NBEAL1: variants seen among roughly 807,000 people sequenced by gnomAD.
The protein encoded by NBEAL1 is neurobeachin like 1.
Under a neutral mutation model 351.3 loss-of-function variants are expected in NBEAL1, and 273 were observed. That is an observed-to-expected ratio of 0.78 (90% CI 0.70 to 0.86). The LOEUF (loss-of-function observed/expected upper bound fraction) is 0.86, where lower values mean the gene tolerates loss of function less well. Ranked by LOEUF, NBEAL1 falls within the 40% of genes least tolerant of loss-of-function variation. The pLI, the probability that NBEAL1 is intolerant of heterozygous loss-of-function variation, is 0.00. For missense variants in NBEAL1, 2,961 were observed against 3,201.3 expected (o/e 0.92, Z 1.81); for synonymous variants, 1,050 against 1,086.4 (o/e 0.97, Z 0.66).
In NBEAL1 at chr2:203,219,380, G is replaced by GA. The variant is rs2065930581; in HGVS notation, c.*2032dup. 1 of 151,822 alleles carries GA rather than the reference G, an allele frequency of 6.6e-6. No individual in the cohort carries two copies. Among genetic ancestry groups the GA allele is most frequent in the Non-Finnish European group, 1.5e-5 (1 of 67,972 alleles). The allele number at this position is 151,822 out of a possible 1,614,324, so 9.4% of individuals were successfully genotyped here. ...AAGTTTTCTAAAACTTAGATAATTA[G>GA]AAAAAATGCCTAAGTTTATGATGTT... On this transcript the variant is annotated 3_prime_UTR_variant, in exon 56 of 56. Coordinates refer to ENST00000683969, the MANE Select transcript of NBEAL1 (RefSeq NM_001378026.1).
chr2:203,047,200 G>A lies in NBEAL1; in HGVS notation c.144-2614G>A, dbSNP rs2061242784. ...TGCAGTGAGCTGAGATTGCGCCATTGCACCTCCAGCCTGGGCAACAAGAGC... is the reference window on the plus strand; with the variant it reads ...TGCAGTGAGCTGAGATTGCGCCATTACACCTCCAGCCTGGGCAACAAGAGC... On this transcript the variant is annotated intron_variant, in intron 3 of 55. Transcript: ENST00000683969. 2.6e-5 allele frequency among the ~76,000 whole-genome samples: 4 copies of A among 151,342 alleles called. No individual in the cohort carries two copies. In the South Asian group the frequency reaches 8.4e-4, roughly 32 times the overall value.
At chr2:203,095,380 C>T (rs1339351057) in intron 10 of NBEAL1, among the ~76,000 whole-genome samples, 5 of 151,844 alleles carry the variant, frequency 3.3e-5, no homozygotes, top group East Asian at 3.9e-4. Context: ...CCGCAACCTC[C>T]ACCTCCCAGG....
intron 39 of NBEAL1, among the ~76,000 whole-genome samples, chr2:203,170,563 G>A (rs1156471274): frequency 4.6e-5 from 7 of 152,078 alleles, no homozygotes; most frequent in African/African-American, 9.7e-5. Context: ...CTGCCAGGAC[G>A]CAAAGGAAAG....
rs979738923 is a variant in NBEAL1, at chr2:203,107,705, A to G, written c.1466A>G (p.His489Arg). Residue 489 changes from histidine to arginine, a missense_variant, in exon 14 of 56, where the codon CAT becomes CGT. By Grantham distance (29) the His-to-Arg change is conservative. Coordinates refer to ENST00000683969, the MANE Select transcript of NBEAL1 (RefSeq NM_001378026.1). ...CAGTGGCTTCCAGAACTACAATCCC[A>G]TGACCTGCAAATCTTCATCTCTGAT... Reference protein sequence around the residue: ...LIQWLPELQSHDLQIFISDWL... With the variant: ...LIQWLPELQSRDLQIFISDWL... 4.5e-6 allele frequency: 7 copies of G among 1,553,376 alleles called. No individual in the cohort carries two copies. Among genetic ancestry groups the G allele is most frequent in the Non-Finnish European group, 6.1e-6 (7 of 1,147,412 alleles).
chr2:203,049,817 A>G lies in NBEAL1; in HGVS notation c.147A>G (p.Val49=). The part of the protein sequence containing the change: ...DVDFEKLPTR[V]DDMPPGISLL... ...TTTTTTTCCCTTTCTGTTGTAGGGT[A>G]GATGATATGCCTCCAGGAATATCTC... is the stretch of plus-strand genomic sequence containing the variant. Residue 49 remains valine, a synonymous_variant, in exon 4 of 56, where the codon GTA becomes GTG. Coordinates refer to ENST00000683969, the MANE Select transcript of NBEAL1 (RefSeq NM_001378026.1). 6.5e-7 allele frequency: 1 copy of G among 1,549,282 alleles called. No homozygotes were observed. The highest frequency in any genetic ancestry group is 8.7e-7 in the Non-Finnish European group (1 of 1,144,920).
intron 18 of NBEAL1, among the ~76,000 whole-genome samples, chr2:203,118,279 ATTCAT>A (rs1269086176): frequency 5.9e-5 from 9 of 152,080 alleles, no homozygotes; most frequent in Admixed American, 2.0e-4. Context: ...ATGGCCCATA[ATTCAT>A]CTAATATATA....
chr2:203,055,791 C>T (rs2061393384), intron 4 of NBEAL1, among the ~76,000 whole-genome samples: 1 of 152,006 alleles, frequency 6.6e-6, no homozygotes, highest in Non-Finnish European at 1.5e-5. Context: ...TTACCTCAGT[C>T]TTATAAAAAG....
intron 54 of NBEAL1, among the ~76,000 whole-genome samples, chr2:203,212,680 A>C (rs1232772587): frequency 1.3e-5 from 2 of 152,122 alleles, no homozygotes; most frequent in Non-Finnish European, 2.9e-5. Context: ...TAAGAGCTAA[A>C]TTATATGATT....
intron 2 of NBEAL1, among the ~76,000 whole-genome samples, chr2:203,030,242 A>G (rs1481894530): frequency 6.6e-6 from 1 of 152,218 alleles, no homozygotes; most frequent in Admixed American, 6.5e-5. Context: ...TCTTAAAAGC[A>G]TTGAAAAACT....
In NBEAL1 at chr2:203,213,649, C is replaced by G. The variant is rs2065848714; in HGVS notation, c.8066C>G (p.Ala2689Gly). ...KLIVVGVGKP[A>G]EMRSGQLSRK... ...ATTGTAGTGGGTGTTGGCAAGCCTGCTGAGGTAAAACCTAGCATCAGTAAT... is the reference window on the plus strand; with the variant it reads ...ATTGTAGTGGGTGTTGGCAAGCCTGGTGAGGTAAAACCTAGCATCAGTAAT... The change falls in exon 55 of 56, where the codon GCT (alanine) becomes GGT (glycine). Residue 2689 changes from alanine (A) to glycine (G), a missense_variant. Transcript: ENST00000683969. 1 of 1,613,658 alleles carries G rather than the reference C, an allele frequency of 6.2e-7. No homozygotes were observed. The highest frequency in any genetic ancestry group is 1.3e-5 in the African/African-American group (1 of 74,906).
chr2:203,016,204 T>G lies in NBEAL1; in HGVS notation c.-181T>G, dbSNP rs1053528629. Reference sequence around the variant, plus strand: ...ACTGATGAAGATATATTGGAGTGACTGCTGAAATTGCCTTTTTGTTTTTAA... The same window carrying G: ...ACTGATGAAGATATATTGGAGTGACGGCTGAAATTGCCTTTTTGTTTTTAA... On this transcript the variant is annotated 5_prime_UTR_variant, in exon 2 of 56. Coordinates refer to ENST00000683969, the MANE Select transcript of NBEAL1 (RefSeq NM_001378026.1). 1.3e-4 allele frequency: 54 copies of G among 404,416 alleles called. No homozygotes were observed. The highest frequency in any genetic ancestry group is 1.7e-4 in the Non-Finnish European group (38 of 227,950). 25.1% of individuals were successfully genotyped at this position (404,416 alleles called of 1,614,324 possible).
chr2:203,155,482 G>C (rs975725976), intron 35 of NBEAL1, among the ~76,000 whole-genome samples: 1 of 151,936 alleles, frequency 6.6e-6, no homozygotes, highest in Non-Finnish European at 1.5e-5. Context: ...TGTCACCCAG[G>C]CTGGAGTGCA....
intron 44 of NBEAL1, 41 bp downstream of exon 44, chr2:203,183,429 TA>T: frequency 8.7e-7 from 1 of 1,145,484 alleles, no homozygotes; most frequent in Non-Finnish European, 1.3e-6. Flanking sequence ...AATAATAAGA[TA>T]AAAGATGTGT....
chr2:203,047,864 C>G (rs1574893703), intron 3 of NBEAL1, among the ~76,000 whole-genome samples: 1 of 151,676 alleles, frequency 6.6e-6, no homozygotes. Flanking sequence ...CTGCCTTAGC[C>G]TCCAAGTAGC....
At chr2:203,206,381 C>CCTCTCCCTCTCCCT (rs1388876828) in intron 51 of NBEAL1, among the ~76,000 whole-genome samples, 4 of 151,686 alleles carry the variant, frequency 2.6e-5, no homozygotes, top group African/African-American at 9.7e-5. Flanking sequence ...CATGTCTCTC[C>CCTCTCCCTCTCCCT]CTCTCCCTCT....
At chr2:203,073,401 C>A (rs1299759050) in intron 7 of NBEAL1, among the ~76,000 whole-genome samples, 1 of 152,176 alleles carries the variant, frequency 6.6e-6, no homozygotes, top group African/African-American at 2.4e-5. Flanking sequence ...TCTGTGGAAT[C>A]TAAATTGATG....
At chr2:203,024,592 G>A in intron 2 of NBEAL1, among the ~76,000 whole-genome samples, 1 of 151,812 alleles carries the variant, frequency 6.6e-6, no homozygotes, top group South Asian at 2.1e-4. Flanking sequence ...TATGGAGCAT[G>A]TATTGGATTT....
intron 41 of NBEAL1, among the ~76,000 whole-genome samples, chr2:203,174,932 T>G (rs543045385): frequency 3.6e-4 from 54 of 151,984 alleles, no homozygotes; most frequent in Non-Finnish European, 6.3e-4. Context: ...ATTAAGTGTT[T>G]ATGATATTTT....
intron 41 of NBEAL1, 143 bp downstream of exon 41, chr2:203,172,996 T>C: frequency 1.8e-6 from 1 of 567,518 alleles, no homozygotes; most frequent in Non-Finnish European, 2.8e-6. Context: ...CTTCACTAAG[T>C]TTTCTTGAAA....
Sources: gnomAD v4.1 joint callset for allele counts (sites outside exome capture counted in the v4.1 genomes callset) on GRCh38, gnomAD v4.1.1 for gene constraint, MANE v1.5 for transcripts, NCBI Gene and HGNC (gene_info 2026-07-23, HGNC 2026-07-21) for gene names.